SESTD1: variants seen among roughly 807,000 people sequenced by gnomAD.
SESTD1 encodes SEC14 and spectrin domain containing 1.
Under a neutral mutation model 101.7 loss-of-function variants are expected in SESTD1, and 43 were observed. That is an observed-to-expected ratio of 0.42 (90% confidence interval 0.33 to 0.55). The LOEUF (loss-of-function observed/expected upper bound fraction) is 0.55, where lower values mean the gene tolerates loss of function less well. Among genes scored for constraint, SESTD1 ranks in the 20% least tolerant of loss-of-function variants. SESTD1 has a pLI of 0.07. For synonymous variants in SESTD1, 283 were observed against 286.8 expected, an observed-to-expected ratio of 0.99 and a Z score of 0.13; for missense variants, 647 against 815.1, an observed-to-expected ratio of 0.79 and a Z score of 2.51.
At chr2:179,223,260 G>C (rs1284875109) in intron 1 of SESTD1, among the ~76,000 whole-genome samples, 2 of 152,144 alleles carry the variant, frequency 1.3e-5, no homozygotes, top group Non-Finnish European at 2.9e-5. Context: ...TAGTAGGCCA[G>C]TGGCTGCCTA....
chr2:179,146,014 C>T (rs1367864594), intron 8 of SESTD1, among the ~76,000 whole-genome samples: 1 of 151,664 alleles, frequency 6.6e-6, no homozygotes, highest in Non-Finnish European at 1.5e-5. Flanking sequence ...CCCCCCACCC[C>T]CACCCTGGGC....
At chr2:179,189,755 A>G (rs2046292715) in intron 2 of SESTD1, among the ~76,000 whole-genome samples, 1 of 151,436 alleles carries the variant, frequency 6.6e-6, no homozygotes, top group Non-Finnish European at 1.5e-5. Flanking sequence ...TACAAAAATA[A>G]GTTGCATTTC....
At chr2:179,245,707 A>T (rs942142604) in intron 1 of SESTD1, among the ~76,000 whole-genome samples, 2 of 151,986 alleles carry the variant, frequency 1.3e-5, no homozygotes, top group Admixed American at 1.3e-4. Flanking sequence ...AATATGCTCA[A>T]ATAACCCATA....
intron 1 of SESTD1, among the ~76,000 whole-genome samples, chr2:179,249,890 C>CCA (rs377004045): frequency 3.6e-5 from 4 of 111,394 alleles, no homozygotes; most frequent in African/African-American, 1.3e-4. Context: ...TATCCACAGG[C>CCA]AAAAAAAAAA....
chr2:179,257,157 T>C (rs1224671128), intron 1 of SESTD1, among the ~76,000 whole-genome samples: 1 of 151,842 alleles, frequency 6.6e-6, no homozygotes, highest in Non-Finnish European at 1.5e-5. Context: ...ACACATCTCA[T>C]TCTATGTCAT....
chr2:179,176,067 A>G (rs1482226208), intron 4 of SESTD1, among the ~76,000 whole-genome samples: 1 of 152,122 alleles, frequency 6.6e-6, no homozygotes, highest in Admixed American at 6.6e-5. Context: ...AACCAATCCT[A>G]CCACCCACCT....
intron 1 of SESTD1, among the ~76,000 whole-genome samples, chr2:179,225,567 T>C (rs374487478): frequency 4.6e-5 from 7 of 152,154 alleles, no homozygotes; most frequent in African/African-American, 7.2e-5. Context: ...TTATAAATAA[T>C]AGAAATTTAC....
intron 1 of SESTD1, among the ~76,000 whole-genome samples, chr2:179,229,202 G>A (rs1010980302): frequency 5.3e-5 from 8 of 152,076 alleles, no homozygotes; most frequent in African/African-American, 1.2e-4. Context: ...CAGTGTTTAC[G>A]GAAAAGACGA....
intron 4 of SESTD1, among the ~76,000 whole-genome samples, chr2:179,174,618 G>A (rs2045979578): frequency 6.6e-6 from 1 of 152,160 alleles, no homozygotes; most frequent in South Asian, 2.1e-4. Context: ...CAAAGAAAAA[G>A]TTATTTTAGG....
At chr2:179,248,717 G>C (rs974375435) in intron 1 of SESTD1, among the ~76,000 whole-genome samples, 1 of 151,848 alleles carries the variant, frequency 6.6e-6, no homozygotes, top group Non-Finnish European at 1.5e-5. Flanking sequence ...ACTTGATGAA[G>C]AGTTTGCATT....
chr2:179,178,294 C>T (rs1446975281), intron 3 of SESTD1, among the ~76,000 whole-genome samples: 1 of 151,934 alleles, frequency 6.6e-6, no homozygotes, highest in Non-Finnish European at 1.5e-5. Context: ...AAAGGTAAGG[C>T]CAATACAGTG....
chr2:179,249,111 A>G (rs899147446), intron 1 of SESTD1, among the ~76,000 whole-genome samples: 10 of 151,116 alleles, frequency 6.6e-5, no homozygotes, highest in Admixed American at 5.3e-4. Flanking sequence ...AAAAAAAAAA[A>G]AAGCATGGCA....
chr2:179,137,494 T>C (rs542547048), intron 9 of SESTD1, among the ~76,000 whole-genome samples: 4 of 152,316 alleles, frequency 2.6e-5, no homozygotes, highest in African/African-American at 9.6e-5. Flanking sequence ...GAAAAGCACA[T>C]GGATGATTCT....
rs1386985376 is a variant in SESTD1 at position 179,108,842 on chromosome 2, T to C, written c.*1057A>G. Reference sequence around the variant, plus strand: ...TTTTATTTCTAAAGGGGTCATACAGTTCTGTTATTGGACTACTTCAGAATT... The same window carrying C: ...TTTTATTTCTAAAGGGGTCATACAGCTCTGTTATTGGACTACTTCAGAATT... On this transcript the variant is annotated 3_prime_UTR_variant, in exon 18 of 18. Transcript: ENST00000428443. 6.6e-6 allele frequency: 1 copy of C among 152,054 alleles called. No individual in the cohort carries two copies. The highest frequency in any genetic ancestry group is 1.5e-5 in the Non-Finnish European group (1 of 67,976). 9.4% of individuals were successfully genotyped at this position (152,054 alleles called of 1,614,324 possible).
intron 1 of SESTD1, among the ~76,000 whole-genome samples, chr2:179,224,439 A>G (rs1051617666): frequency 3.3e-5 from 5 of 152,180 alleles, no homozygotes; most frequent in Non-Finnish European, 7.3e-5. Flanking sequence ...TAAGAAATAT[A>G]CTCTGTATTT....
At chr2:179,142,401 A>T (rs1304091362) in intron 9 of SESTD1, among the ~76,000 whole-genome samples, 1 of 152,180 alleles carries the variant, frequency 6.6e-6, no homozygotes. Context: ...TCCTGTTTCA[A>T]TTAAGCAAAG....
At chr2:179,127,200 C>T (rs2044893316) in intron 10 of SESTD1, among the ~76,000 whole-genome samples, 1 of 152,216 alleles carries the variant, frequency 6.6e-6, no homozygotes, top group Non-Finnish European at 1.5e-5. Context: ...GTTCCTCAAT[C>T]ATCTTCCTGT....
chr2:179,214,456 A>G lies in SESTD1; in HGVS notation c.-25-22590T>C, dbSNP rs1201235366. Among the ~76,000 whole-genome samples, 2 of 134,618 alleles carry G rather than the reference A, an allele frequency of 1.5e-5. 1 individual carries two copies. Among genetic ancestry groups the G allele is most frequent in the Non-Finnish European group, 3.2e-5 (2 of 62,688 alleles). 88.3% of individuals were successfully genotyped at this position (134,618 alleles called of 152,430 possible). A position where few individuals can be genotyped will look rare whatever the true frequency, so the allele number is the denominator to read the frequency against. ...GAAGAGCTAACTATCCTAAATATAT[A>G]TGCACCCAATACAGGAGCACCCAGA... On this transcript the variant is annotated intron_variant, in intron 1 of 17. Transcript: ENST00000428443.
At position 179,163,292 on chromosome 2, in the gene SESTD1, G is replaced by A. The variant is rs561481021; in HGVS notation, c.369+8828C>T. ...GTCATGATTTCACCTTTAGGAAAAC[G>A]ACACTTTAACATATGCTTTATCAAT... On this transcript the variant is annotated intron_variant, in intron 5 of 17. Coordinates refer to ENST00000428443, the MANE Select transcript of SESTD1 (RefSeq NM_178123.5). Among the ~76,000 whole-genome samples, 11 of 152,160 alleles carry A rather than the reference G, an allele frequency of 7.2e-5. No homozygotes were observed. In the South Asian group the frequency reaches 1.9e-3, roughly 26 times the overall value.
Sources: allele counts gnomAD v4.1 joint callset (sites outside exome capture counted in the v4.1 genomes callset), GRCh38; gene constraint gnomAD v4.1.1; transcripts MANE v1.5; gene names NCBI Gene and HGNC (gene_info 2026-07-23, HGNC 2026-07-21).